TSPAN7: variants seen among roughly 807,000 people sequenced by gnomAD.
TSPAN7 encodes tetraspanin 7.
A neutral mutation model predicts 17.6 loss-of-function variants in TSPAN7; 1 was observed. That is an observed-to-expected ratio of 0.06 (90% CI 0.02 to 0.27). The LOEUF (loss-of-function observed/expected upper bound fraction) is 0.27, where lower values mean the gene tolerates loss of function less well. Ranked by LOEUF, TSPAN7 falls within the 10% of genes least tolerant of loss-of-function variation. TSPAN7 has a pLI of 1.00. For synonymous variants in TSPAN7, 78 were observed against 79.0 expected (o/e 0.99, Z 0.07); for missense variants, 112 against 201.7 (o/e 0.56, Z 2.69).
chrX:38,568,953 G>GT (rs779488718), intron 1 of TSPAN7, among the ~76,000 whole-genome samples: 14 of 110,886 alleles, frequency 1.3e-4, no homozygotes, highest in Non-Finnish European at 2.6e-4. Flanking sequence ...CTAGCATCCT[G>GT]TTTTTGTTTC....
In TSPAN7 at chrX:38,589,646, A is replaced by G. The variant is rs552412897; in HGVS notation, c.81+28019A>G. Among the ~76,000 whole-genome samples, 6 of 112,119 alleles carry G rather than the reference A, an allele frequency of 5.4e-5. No homozygotes were observed. The South Asian group carries it at 2.2e-3, about 41-fold the overall frequency. On this transcript the variant is annotated intron_variant, in intron 1 of 7. Coordinates refer to ENST00000378482, the MANE Select transcript of TSPAN7 (RefSeq NM_004615.4). Reference sequence around the variant, plus strand: ...GAATGTATAGATTTAAAGATGGTAAATGATATATACCTTTTATATTATAAG... The same window carrying G: ...GAATGTATAGATTTAAAGATGGTAAGTGATATATACCTTTTATATTATAAG...
At chrX:38,678,060 C>T (rs2069865662) in intron 5 of TSPAN7, among the ~76,000 whole-genome samples, 1 of 112,186 alleles carries the variant, frequency 8.9e-6, no homozygotes, top group Non-Finnish European at 1.9e-5. Context: ...CTGTCTTGTA[C>T]AGATAACTGG....
chrX:38,682,100 A>T (rs2069896471), intron 6 of TSPAN7, among the ~76,000 whole-genome samples: 1 of 112,578 alleles, frequency 8.9e-6, no homozygotes, highest in South Asian at 3.7e-4. Context: ...TTTAACTCAG[A>T]CTTTGTTCAG....
At chrX:38,561,659 C>T (rs772203423) in intron 1 of TSPAN7, 32 bp downstream of exon 1, 1 of 1,121,954 alleles carries the variant, frequency 8.9e-7, no homozygotes, top group South Asian at 1.8e-5. Flanking sequence ...GTGGCCGAGT[C>T]GCTGTCCATC....
At chrX:38,590,996 T>C (rs929666511) in intron 1 of TSPAN7, among the ~76,000 whole-genome samples, 1 of 111,193 alleles carries the variant, frequency 9.0e-6, no homozygotes, top group African/African-American at 3.3e-5. Context: ...ATTTCATTAA[T>C]TTTTCTTTCT....
At chrX:38,582,975 T>C (rs1367543798) in intron 1 of TSPAN7, among the ~76,000 whole-genome samples, 1 of 112,279 alleles carries the variant, frequency 8.9e-6, no homozygotes, top group Non-Finnish European at 1.9e-5. Flanking sequence ...ATCTCACCAC[T>C]GTTTTTTCAT....
intron 1 of TSPAN7, among the ~76,000 whole-genome samples, chrX:38,586,356 C>G (rs2147403156): frequency 8.9e-6 from 1 of 112,331 alleles, no homozygotes; most frequent in Non-Finnish European, 1.9e-5. Flanking sequence ...CATCTAATTT[C>G]TTTTGGGGGT....
chrX:38,646,280 T>C, intron 1 of TSPAN7: 1 of 1,154,550 alleles, frequency 8.7e-7, no homozygotes, highest in Non-Finnish European at 1.1e-6. Flanking sequence ...GGCTGCAGGA[T>C]TTTGTGGCAG....
At chrX:38,664,145 C>T (rs572364250) in intron 1 of TSPAN7, among the ~76,000 whole-genome samples, 4 of 112,352 alleles carry the variant, frequency 3.6e-5, no homozygotes, top group South Asian at 7.5e-4. Context: ...TAAATCACCT[C>T]GCAGTATTTA....
At chrX:38,636,337 A>C (rs2069579623) in intron 1 of TSPAN7, among the ~76,000 whole-genome samples, 2 of 112,262 alleles carry the variant, frequency 1.8e-5, no homozygotes, top group South Asian at 7.3e-4. Flanking sequence ...ACCGTTACTC[A>C]TTCTCTTCTC....
At chrX:38,586,751 A>G (rs2069260311) in intron 1 of TSPAN7, among the ~76,000 whole-genome samples, 1 of 112,388 alleles carries the variant, frequency 8.9e-6, no homozygotes, top group Non-Finnish European at 1.9e-5. Context: ...ATTTATGGCT[A>G]CAAAACTTGA....
chrX:38,642,851 C>T (rs1393006240), intron 1 of TSPAN7, among the ~76,000 whole-genome samples: 1 of 110,635 alleles, frequency 9.0e-6, no homozygotes, highest in Admixed American at 9.6e-5. Flanking sequence ...ATCCTACCTC[C>T]CATGAGGTAG....
At chrX:38,561,846 G>A (rs2069112935) in intron 1 of TSPAN7, among the ~76,000 whole-genome samples, 1 of 111,444 alleles carries the variant, frequency 9.0e-6, no homozygotes, top group Non-Finnish European at 1.9e-5. Flanking sequence ...GGCTGCAAGG[G>A]GCTGCGGAGT....
At chrX:38,573,945 G>C (rs778448149) in intron 1 of TSPAN7, among the ~76,000 whole-genome samples, 4 of 111,529 alleles carry the variant, frequency 3.6e-5, no homozygotes, top group African/African-American at 1.3e-4. Flanking sequence ...TTTGATCACC[G>C]GGGTGAGATA....
chrX:38,646,256 T>G, intron 1 of TSPAN7: 1 of 1,152,345 alleles, frequency 8.7e-7, no homozygotes. Flanking sequence ...TACATGTTCA[T>G]AAAAGAAAGA....
intron 1 of TSPAN7, chrX:38,566,277 TA>T: frequency 1.1e-6 from 1 of 891,039 alleles, no homozygotes; most frequent in Non-Finnish European, 1.4e-6. Context: ...GAATGCTGTG[TA>T]AACTGATCCT....
intron 1 of TSPAN7, among the ~76,000 whole-genome samples, chrX:38,663,659 A>T (rs1054701809): frequency 8.9e-6 from 1 of 112,553 alleles, no homozygotes; most frequent in Non-Finnish European, 1.9e-5. Flanking sequence ...GGGTTCATAT[A>T]CAAAGCAATG....
At chrX:38,604,043 C>A (rs1406590351) in intron 1 of TSPAN7, among the ~76,000 whole-genome samples, 8 of 69,350 alleles carry the variant, frequency 1.2e-4, no homozygotes, top group Admixed American at 2.0e-4. Context: ...CCACAACAGT[C>A]CCCAGAGTGT....
intron 1 of TSPAN7, among the ~76,000 whole-genome samples, chrX:38,591,121 G>A (rs904649962): frequency 9.0e-6 from 1 of 110,843 alleles, no homozygotes; most frequent in African/African-American, 3.3e-5. Context: ...AGAAGCTGAA[G>A]TCATTGATTG....
Sources: gnomAD v4.1 joint callset for allele counts (sites outside exome capture counted in the v4.1 genomes callset) on GRCh38, gnomAD v4.1.1 for gene constraint, MANE v1.5 for transcripts, NCBI Gene and HGNC (gene_info 2026-07-23, HGNC 2026-07-21) for gene names.